Variants in GTPBP10 observed in about 807,000 individuals in gnomAD.
GTPBP10 encodes GTP binding protein 10, also known as GTP-binding protein 10.
GTPBP10 carries 38 observed loss-of-function variants against 44.8 expected under a neutral mutation model. The ratio of observed to expected loss-of-function variants is 0.85; its 90% CI spans 0.65 to 1.11. The LOEUF (loss-of-function observed/expected upper bound fraction) is 1.11, where lower values mean the gene tolerates loss of function less well. Ranked by LOEUF, GTPBP10 falls within the 50% of genes most tolerant of loss-of-function variation. GTPBP10 has a pLI of 0.00. For synonymous variants in GTPBP10, 152 were observed against 150.6 expected, an observed-to-expected ratio of 1.01 and a Z score of -0.07; for missense variants, 462 against 453.7, an observed-to-expected ratio of 1.02 and a Z score of -0.17.
At chr7:90,379,540 A>G (rs1028006290) in intron 8 of GTPBP10, among the ~76,000 whole-genome samples, 3 of 152,192 alleles carry the variant, frequency 2.0e-5, no homozygotes, top group Admixed American at 1.3e-4. Flanking sequence ...TCTCTCTAAG[A>G]CAACATGGTA....
In GTPBP10 at chr7:90,366,944, C is replaced by A. The variant is rs758301834; in HGVS notation, c.465-5211C>A. 1.3e-4 allele frequency among the ~76,000 whole-genome samples: 20 copies of A among 152,232 alleles called. No individual in the cohort carries two copies. The Middle Eastern group carries it at 0.01, about 78-fold the overall frequency. The stretch of plus-strand genomic sequence containing the variant: ...CATTTAGTGCTATAAATTTCCCTCT[C>A]CACACTGTTTTAAGTGTGTCCCAGA... On this transcript the variant is annotated intron_variant, in intron 4 of 9. Transcript: ENST00000222511.
chr7:90,360,268 T>C (rs1795988763), intron 4 of GTPBP10, among the ~76,000 whole-genome samples: 1 of 152,216 alleles, frequency 6.6e-6, no homozygotes, highest in South Asian at 2.1e-4. Context: ...TTTTTATGGT[T>C]TTACGACTAT....
At chr7:90,359,162 T>A (rs79847565) in intron 4 of GTPBP10, among the ~76,000 whole-genome samples, 1 of 152,136 alleles carries the variant, frequency 6.6e-6, no homozygotes, top group African/African-American at 2.4e-5. Context: ...AAATTTTTTT[T>A]ATTATGCTTT....
chr7:90,380,323 C>T (rs1378932861), intron 8 of GTPBP10, among the ~76,000 whole-genome samples: 3 of 152,122 alleles, frequency 2.0e-5, no homozygotes, highest in African/African-American at 7.2e-5. Flanking sequence ...AGGTGATCCG[C>T]CCACCTGGCT....
chr7:90,381,731 G>T (rs1366607806), intron 8 of GTPBP10, among the ~76,000 whole-genome samples: 1 of 152,100 alleles, frequency 6.6e-6, no homozygotes, highest in Non-Finnish European at 1.5e-5. Flanking sequence ...TAAACCAATG[G>T]AACAGAATCC....
chr7:90,371,363 G>T (rs1796254047), intron 4 of GTPBP10: 2 of 158,704 alleles, frequency 1.3e-5, no homozygotes, highest in Non-Finnish European at 2.7e-5. Flanking sequence ...TAAAGAGTAG[G>T]CCAAGCAACT....
intron 5 of GTPBP10, among the ~76,000 whole-genome samples, chr7:90,373,649 G>T (rs779958515): frequency 1.3e-5 from 2 of 151,892 alleles, no homozygotes; most frequent in African/African-American, 2.4e-5. Context: ...CAATGAGAAG[G>T]AACTAGAGGA....
chr7:90,380,543 T>A (rs757151215), intron 8 of GTPBP10, among the ~76,000 whole-genome samples: 3 of 152,216 alleles, frequency 2.0e-5, no homozygotes, highest in Non-Finnish European at 2.9e-5. Flanking sequence ...GACATAAAAA[T>A]TGTGTGTACT....
chr7:90,382,772 A>T (rs721592), intron 8 of GTPBP10, among the ~76,000 whole-genome samples, 184 bp from the exon 9 acceptor site: 27,896 of 152,146 alleles, frequency 0.18, 2,679 homozygotes, highest in South Asian at 0.21. Flanking sequence ...AAGCTAAAAC[A>T]TACTAACACA....
intron 4 of GTPBP10, among the ~76,000 whole-genome samples, chr7:90,356,575 G>A (rs559299457): frequency 6.6e-6 from 1 of 152,272 alleles, no homozygotes; most frequent in South Asian, 2.1e-4. Flanking sequence ...TCCTCTGGAG[G>A]CTGGCCAGCT....
chr7:90,391,303 A>G lies in GTPBP10; in HGVS notation c.*6149A>G, dbSNP rs1412954879. On this transcript the variant is annotated 3_prime_UTR_variant, in exon 10 of 10. Coordinates refer to ENST00000222511, the MANE Select transcript of GTPBP10 (RefSeq NM_033107.4). ...CTGAGGATGGGAGGAAGGGATGCTT[A>G]AAACCTTGGATAGTACCAAACCCTA... 1 of 152,162 alleles carries G rather than the reference A, an allele frequency of 6.6e-6. No homozygotes were observed. The highest frequency in any genetic ancestry group is 1.5e-5 in the Non-Finnish European group (1 of 68,032). The allele number at this position is 152,162 out of a possible 1,614,324, so 9.4% of individuals were successfully genotyped here.
At chr7:90,358,948 CAAA>C (rs1321106687) in intron 4 of GTPBP10, among the ~76,000 whole-genome samples, 1 of 152,054 alleles carries the variant, frequency 6.6e-6, no homozygotes, top group African/African-American at 2.4e-5. Context: ...GGACATTTCT[CAAA>C]AGAAGATATG....
intron 2 of GTPBP10, chr7:90,353,311 A>T (rs1795831186): frequency 4.8e-6 from 1 of 209,692 alleles, no homozygotes; most frequent in African/African-American, 2.3e-5. Flanking sequence ...ATCTTTGACA[A>T]CCTTTTAGAA....
rs1407362042 is a variant in GTPBP10 at position 90,382,851 on chromosome 7, G to A, written c.778-105G>A. The A allele has an allele frequency of 3.0e-5, 19 of 626,698 alleles. No individual in the cohort carries two copies. In the Middle Eastern group the frequency reaches 1.1e-3, roughly 36 times the overall value. The allele number at this position is 626,698 out of a possible 1,614,324, so 38.8% of individuals were successfully genotyped here. On this transcript the variant is annotated intron_variant, in intron 8 of 9. Coordinates refer to ENST00000222511, the MANE Select transcript of GTPBP10 (RefSeq NM_033107.4). ...CTGTTGTTGGGATTTATTGCATTTC[G>A]GTGATGTGAATGGGTTTTAGATCAC...
intron 4 of GTPBP10, among the ~76,000 whole-genome samples, chr7:90,362,081 G>C (rs992124356): frequency 2.4e-5 from 3 of 126,092 alleles, no homozygotes; most frequent in Non-Finnish European, 5.0e-5. Context: ...CAAAAAACCA[G>C]CTCCTGGATT....
chr7:90,361,569 A>G (rs1796021629), intron 4 of GTPBP10, among the ~76,000 whole-genome samples: 1 of 152,226 alleles, frequency 6.6e-6, no homozygotes, highest in Non-Finnish European at 1.5e-5. Flanking sequence ...ATCAATGTTC[A>G]TCAGGGATAT....
chr7:90,363,485 A>G, intron 4 of GTPBP10, among the ~76,000 whole-genome samples: 1 of 152,136 alleles, frequency 6.6e-6, no homozygotes, highest in Non-Finnish European at 1.5e-5. Flanking sequence ...TGGCTTTTAG[A>G]GTTTCTGCCG....
chr7:90,363,462 C>T (rs1407029695), intron 4 of GTPBP10, among the ~76,000 whole-genome samples: 1 of 152,184 alleles, frequency 6.6e-6, no homozygotes, highest in Non-Finnish European at 1.5e-5. Context: ...GAATATTGGC[C>T]CCCACTCTCT....
Position 90,390,398 on chromosome 7 carries a change from G to T in GTPBP10, c.*5244G>T, listed in dbSNP as rs1182289398. The T allele has an allele frequency of 6.6e-6, 1 of 152,114 alleles. No individual in the cohort carries two copies. Among genetic ancestry groups the T allele is most frequent in the Non-Finnish European group, 1.5e-5 (1 of 68,020 alleles). 9.4% of individuals were successfully genotyped at this position (152,114 alleles called of 1,614,324 possible). Reference sequence around the variant, plus strand: ...ATCAACCACAAATTTTAGGCAATTTGTTAGAATTTTTTTTAAATGTTCTTA... The same window carrying T: ...ATCAACCACAAATTTTAGGCAATTTTTTAGAATTTTTTTTAAATGTTCTTA... On this transcript the variant is annotated 3_prime_UTR_variant, in exon 10 of 10. Transcript: ENST00000222511.
Sources: allele counts gnomAD v4.1 joint callset (sites outside exome capture counted in the v4.1 genomes callset), GRCh38; gene constraint gnomAD v4.1.1; transcripts MANE v1.5; gene names NCBI Gene and HGNC (gene_info 2026-07-23, HGNC 2026-07-21).